The following SLC25A25 variants were observed in gnomAD, a reference collection of about 807,000 sequenced individuals.
SLC25A25 encodes the protein solute carrier family 25 member 25.
SLC25A25 carries 32 observed loss-of-function variants against 57.7 expected under a neutral mutation model. The observed-to-expected ratio is 0.55, with a 90% CI of 0.42 to 0.74. The LOEUF (loss-of-function observed/expected upper bound fraction) is 0.74, where lower values mean the gene tolerates loss of function less well. Among genes scored for constraint, SLC25A25 ranks in the 30% least tolerant of loss-of-function variants. The pLI, the probability that SLC25A25 is intolerant of heterozygous loss-of-function variation, is 0.00. For synonymous variants in SLC25A25, 306 were observed against 291.2 expected (o/e 1.05, Z -0.52); for missense variants, 556 against 701.3 (o/e 0.79, Z 2.34).
At chr9:128,081,309 C>G (rs1480923214) in intron 1 of SLC25A25, among the ~76,000 whole-genome samples, 1 of 152,222 alleles carries the variant, frequency 6.6e-6, no homozygotes, top group Non-Finnish European at 1.5e-5. Context: ...TGAGTCAGAT[C>G]ATCTCAGTGT....
intron 1 of SLC25A25, among the ~76,000 whole-genome samples, chr9:128,088,392 C>G (rs554239528): frequency 2.6e-4 from 40 of 152,272 alleles, no homozygotes; most frequent in African/African-American, 9.6e-4. Flanking sequence ...CCCTGGGGAC[C>G]CTTGGGGGAG....
chr9:128,081,155 G>A (rs925052300), intron 1 of SLC25A25, among the ~76,000 whole-genome samples: 4 of 152,140 alleles, frequency 2.6e-5, no homozygotes, highest in African/African-American at 4.8e-5. Context: ...GCTATTAGCC[G>A]GCATTCATCC....
Position 128,099,339 on chromosome 9 carries a change from T to C in SLC25A25, c.262-1757T>C. ...AGGAGACAGAAGGAGGCCCAGGCCC[T>C]GTGAGGCAGAAGCAAGCACTTTGAG... On this transcript the variant is annotated intron_variant, in intron 1 of 10. Transcript: ENST00000373069. This position sits in a 1 kb window ranked among gnomAD's most constrained non-coding sequence, Gnocchi z 6.8. The C allele has an allele frequency of 7.9e-7, 1 of 1,260,814 alleles. No individual in the cohort carries two copies. The highest frequency in any genetic ancestry group is 1.0e-6 in the Non-Finnish European group (1 of 976,706). 78.1% of individuals were successfully genotyped at this position (1,260,814 alleles called of 1,614,324 possible).
Position 128,106,533 on chromosome 9 carries a change from C to T in SLC25A25, c.1212+13C>T, listed in dbSNP as rs1396367324. On this transcript the variant is annotated intron_variant, in intron 9 of 10. Transcript: ENST00000373069. ...TGCAGTCTACGAGGTGAGGCCCAAG[C>T]TGGACAGATTTAGAAACCTCCTCCC... is the stretch of plus-strand genomic sequence containing the variant. The T allele has an allele frequency of 6.3e-7, 1 of 1,581,746 alleles. No homozygotes were observed. Among genetic ancestry groups the T allele is most frequent in the Non-Finnish European group, 8.6e-7 (1 of 1,167,624 alleles).
At chr9:128,081,166 A>G (rs1022377024) in intron 1 of SLC25A25, among the ~76,000 whole-genome samples, 1 of 152,206 alleles carries the variant, frequency 6.6e-6, no homozygotes, top group Non-Finnish European at 1.5e-5. Flanking sequence ...GCATTCATCC[A>G]GTTGCCCTCC....
At chr9:128,098,914 TC>T (rs1833672455) in intron 1 of SLC25A25, 1 of 985,340 alleles carries the variant, frequency 1.0e-6, no homozygotes, top group South Asian at 4.7e-5. Context: ...TCATGTGACT[TC>T]CCAGGAAGGC....
Position 128,083,797 on chromosome 9 carries a change from C to T in SLC25A25, c.261+15217C>T, listed in dbSNP as rs528206244. On this transcript the variant is annotated intron_variant, in intron 1 of 10. Transcript: ENST00000373069. The stretch of plus-strand genomic sequence containing the variant: ...CCTCCCAAAGTGCTGGGATTACAGG[C>T]GTGAGCCACCGTGCCCGGCTGAGTG... Among the ~76,000 whole-genome samples the T allele has an allele frequency of 5.3e-5, 8 of 151,946 alleles. No homozygotes were observed. In the South Asian group the frequency reaches 1.5e-3, roughly 28 times the overall value.
intron 1 of SLC25A25, among the ~76,000 whole-genome samples, chr9:128,076,759 C>T (rs939334866): frequency 1.1e-4 from 16 of 152,208 alleles, no homozygotes; most frequent in Admixed American, 6.5e-4. Flanking sequence ...TGAGCCACCA[C>T]ACCCGGCCCT....
chr9:128,097,449 GAC>G (rs58918124), intron 1 of SLC25A25, among the ~76,000 whole-genome samples: 19,084 of 152,142 alleles, frequency 0.13, 1,306 homozygotes, highest in South Asian at 0.22. Flanking sequence ...TTTTGCATGA[GAC>G]ACAGTTTCAC....
At chr9:128,085,655 G>A (rs1833258698) in intron 1 of SLC25A25, among the ~76,000 whole-genome samples, 2 of 151,566 alleles carry the variant, frequency 1.3e-5, no homozygotes, top group Admixed American at 1.3e-4. Flanking sequence ...GATCTCTTAG[G>A]GTGGAAACTG....
At chr9:128,077,534 G>C (rs1008149209) in intron 1 of SLC25A25, among the ~76,000 whole-genome samples, 5 of 131,124 alleles carry the variant, frequency 3.8e-5, no homozygotes, top group Non-Finnish European at 4.8e-5. Flanking sequence ...AAAAAAGCCA[G>C]TCGCAAAGAT....
chr9:128,075,777 G>C (rs1455907347), intron 1 of SLC25A25, among the ~76,000 whole-genome samples: 12 of 152,098 alleles, frequency 7.9e-5, no homozygotes, highest in Admixed American at 7.9e-4. Context: ...CCAGGAGGCG[G>C]AGGTTGCAGT....
At position 128,102,542 on chromosome 9, in the gene SLC25A25, C is replaced by T; in HGVS notation, c.624+61C>T. The stretch of plus-strand genomic sequence containing the variant: ...CAGGGACCCTTAGCCCAGAGTCACC[C>T]AGTCGTCCCCATCCCAGAGTGCAGC... On this transcript the variant is annotated intron_variant, in intron 5 of 10. Coordinates refer to ENST00000373069, the MANE Select transcript of SLC25A25 (RefSeq NM_001330988.2). This position sits in a 1 kb window ranked among gnomAD's most constrained non-coding sequence, Gnocchi z 4.1. The T allele has an allele frequency of 1.5e-6, 2 of 1,362,228 alleles. No individual in the cohort carries two copies. The highest frequency in any genetic ancestry group is 2.1e-6 in the Non-Finnish European group (2 of 974,314). The allele number at this position is 1,362,228 out of a possible 1,614,324, so 84.4% of individuals were successfully genotyped here. A position where few individuals can be genotyped will look rare whatever the true frequency, so the allele number is the denominator to read the frequency against.
chr9:128,090,120 T>C (rs1303399880), intron 1 of SLC25A25, among the ~76,000 whole-genome samples: 1 of 152,144 alleles, frequency 6.6e-6, no homozygotes. Flanking sequence ...TAATTATCTT[T>C]CCAGAGGCCG....
rs560702091 is a variant in SLC25A25 at position 128,100,383 on chromosome 9, A to G, written c.262-713A>G. ...TTTTGGAACCTCATTGCCAAGGAACAGTCTCTCAAAGCCTTCTTGGGACAC... is the reference window on the plus strand; with the variant it reads ...TTTTGGAACCTCATTGCCAAGGAACGGTCTCTCAAAGCCTTCTTGGGACAC... On this transcript the variant is annotated intron_variant, in intron 1 of 10. Transcript: ENST00000373069. Among the ~76,000 whole-genome samples, 4 of 152,260 alleles carry G rather than the reference A, an allele frequency of 2.6e-5. No homozygotes were observed. In the South Asian group the frequency reaches 8.3e-4, roughly 32 times the overall value.
chr9:128,105,743 C>T lies in SLC25A25; in HGVS notation c.798C>T (p.Arg266=), dbSNP rs1834000840. The change falls in exon 7 of 11, where the codon CGC becomes CGT. Residue 266 remains arginine (R), a synonymous_variant. Transcript: ENST00000373069. The part of the protein sequence containing the change: ...LKVLMQVHAS[R]SNNMGIVGGF... ...CTCCCTCCCAGGTCCATGCCTCCCG[C>T]AGCAACAACATGGGCATCGTTGGTG... is the stretch of plus-strand genomic sequence containing the variant. 2.5e-6 allele frequency: 4 copies of T among 1,613,330 alleles called. No individual in the cohort carries two copies.
intron 1 of SLC25A25, among the ~76,000 whole-genome samples, chr9:128,073,895 T>C (rs1346087781): frequency 1.3e-5 from 2 of 151,918 alleles, no homozygotes; most frequent in Admixed American, 6.6e-5. Flanking sequence ...CACCATGCCC[T>C]GCTAATTTTT....
At chr9:128,098,806 T>C in intron 1 of SLC25A25, 1 of 1,549,034 alleles carries the variant, frequency 6.5e-7, no homozygotes, top group Non-Finnish European at 8.7e-7. Context: ...GCATGAACCA[T>C]CCCCCACTGA....
chr9:128,070,785 C>G (rs1017794461), intron 1 of SLC25A25, among the ~76,000 whole-genome samples: 2 of 151,262 alleles, frequency 1.3e-5, no homozygotes, highest in Admixed American at 1.3e-4. Flanking sequence ...AAACCCGTCT[C>G]TACTAAAAAT....
Sources: allele counts gnomAD v4.1 joint callset (sites outside exome capture counted in the v4.1 genomes callset), GRCh38; gene constraint gnomAD v4.1.1; non-coding constraint Gnocchi (gnomAD v3.1); transcripts MANE v1.5; gene names NCBI Gene and HGNC (gene_info 2026-07-23, HGNC 2026-07-21).